Variants in RASA3 observed in about 807,000 individuals in gnomAD.
RASA3 encodes the protein RAS p21 protein activator 3.
In RASA3, 73 loss-of-function variants were observed where a neutral mutation model predicts 110.0. The observed-to-expected ratio is 0.66, with a 90% CI of 0.55 to 0.81. The LOEUF is 0.81. RASA3 is among the 30% of genes least tolerant of loss of function. RASA3 has a pLI of 0.00. For synonymous variants in RASA3, 500 were observed against 451.4 expected, an observed-to-expected ratio of 1.11 and a Z score of -1.37; for missense variants, 976 against 1,113.2, an observed-to-expected ratio of 0.88 and a Z score of 1.75.
In RASA3 at chr13:114,018,928, G is replaced by C; in HGVS notation, c.786-9C>G. 2 of 1,613,386 alleles carry C rather than the reference G, an allele frequency of 1.2e-6. No homozygotes were observed. Among genetic ancestry groups the C allele is most frequent in the Non-Finnish European group, 1.7e-6 (2 of 1,179,942 alleles). ...GGGGCTGGAGGAAGTACCTGGGTGG[G>C]AGGGACACATGGAGGGGAGGCATGA... is the stretch of plus-strand genomic sequence containing the variant. On this transcript the variant is annotated splice_polypyrimidine_tract_variant and intron_variant, in intron 9 of 23. Coordinates refer to ENST00000334062, the MANE Select transcript of RASA3 (RefSeq NM_007368.4).
intron 1 of RASA3, among the ~76,000 whole-genome samples, chr13:114,097,505 G>A (rs1382458423): frequency 2.0e-5 from 3 of 152,332 alleles, no homozygotes; most frequent in East Asian, 3.9e-4. Flanking sequence ...GCCTCAGGGC[G>A]TTTCTCAAAG....
intron 7 of RASA3, among the ~76,000 whole-genome samples, chr13:114,026,145 A>G (rs1275575649): frequency 6.6e-6 from 1 of 152,244 alleles, no homozygotes; most frequent in Admixed American, 6.5e-5. Flanking sequence ...GAGTGCACAC[A>G]GTAGAAACAG....
intron 4 of RASA3, among the ~76,000 whole-genome samples, chr13:114,032,827 C>T (rs1425759039): frequency 3.0e-5 from 3 of 99,080 alleles, no homozygotes; most frequent in Admixed American, 2.1e-4. Flanking sequence ...CCACGCCCCA[C>T]GGCACCCCCA....
chr13:114,063,615 T>C (rs2079398688), intron 2 of RASA3, among the ~76,000 whole-genome samples: 1 of 152,246 alleles, frequency 6.6e-6, no homozygotes, highest in Non-Finnish European at 1.5e-5. Context: ...ACGGCACGTG[T>C]GTGCGTGGAC....
At chr13:113,994,567 CA>C (rs140556953) in intron 21 of RASA3, among the ~76,000 whole-genome samples, 107,455 of 152,008 alleles carry the variant, frequency 0.71, 38,817 homozygotes, top group African/African-American at 0.87. Flanking sequence ...GAGGCCGAGG[CA>C]AGAAGGATCG....
At chr13:114,005,664 G>A (rs2053498942) in intron 18 of RASA3, among the ~76,000 whole-genome samples, 1 of 152,168 alleles carries the variant, frequency 6.6e-6, no homozygotes, top group South Asian at 2.1e-4. Flanking sequence ...GCCAGCAAGG[G>A]AGGAGGCTGC....
At chr13:114,119,120 C>T (rs1405351474) in intron 1 of RASA3, among the ~76,000 whole-genome samples, 3 of 142,524 alleles carry the variant, frequency 2.1e-5, no homozygotes, top group African/African-American at 5.3e-5. Context: ...ACATGGAGGG[C>T]AGAAAGGGCT....
At chr13:114,012,487 C>T (rs2053655774) in intron 15 of RASA3, among the ~76,000 whole-genome samples, 1 of 149,042 alleles carries the variant, frequency 6.7e-6, no homozygotes, top group Non-Finnish European at 1.5e-5. Flanking sequence ...ATTCCAAACG[C>T]ACTCCCCACT....
intron 3 of RASA3, among the ~76,000 whole-genome samples, chr13:114,043,699 G>A (rs999773226): frequency 3.9e-5 from 6 of 152,046 alleles, no homozygotes; most frequent in African/African-American, 1.2e-4. Context: ...AGCACATGTG[G>A]GAGAAGGAAC....
intron 1 of RASA3, among the ~76,000 whole-genome samples, chr13:114,075,595 C>T (rs2079659869): frequency 3.9e-5 from 2 of 51,596 alleles, no homozygotes; most frequent in African/African-American, 3.8e-4. Context: ...GTGGAGGCGC[C>T]GGCAGGACGA....
At chr13:113,981,536 G>T in intron 23 of RASA3, 139 bp downstream of exon 23, 1 of 926,740 alleles carries the variant, frequency 1.1e-6, no homozygotes, top group South Asian at 1.5e-5. Context: ...GTGCCAGCCC[G>T]GTGCAAGTGG....
chr13:114,020,149 G>GC (rs111868378), intron 9 of RASA3, among the ~76,000 whole-genome samples: 1 of 43,102 alleles, frequency 2.3e-5, no homozygotes, highest in Non-Finnish European at 4.0e-5. Flanking sequence ...TAGCAGCCCT[G>GC]TCAGGTGGGT....
Position 114,042,719 on chromosome 13 carries a change from A to C in RASA3, c.278-1625T>G, listed in dbSNP as rs540306360. 3.9e-5 allele frequency among the ~76,000 whole-genome samples: 6 copies of C among 152,250 alleles called. No individual in the cohort carries two copies. The East Asian group carries it at 1.2e-3, about 29-fold the overall frequency. ...CCTTTTATATTTCCGTGTCTCAAAA[A>C]ACTTCCGCAGGCTCCCATCGGAACA... is the stretch of plus-strand genomic sequence containing the variant. On this transcript the variant is annotated intron_variant, in intron 3 of 23. Transcript: ENST00000334062.
In RASA3 at chr13:114,024,260, C is replaced by T. The variant is rs200398052; in HGVS notation, c.680+19G>A. ...GGTGAAAACTGCCAAGTTGGGGACG[C>T]GGAGCCTGGTTTTCTCACCTGATTT... On this transcript the variant is annotated intron_variant, in intron 8 of 23. Coordinates refer to ENST00000334062, the MANE Select transcript of RASA3 (RefSeq NM_007368.4). The T allele has an allele frequency of 6.7e-4, 1,076 of 1,612,624 alleles. 6 individuals carry two copies. In the Middle Eastern group the frequency reaches 8.1e-3, roughly 12 times the overall value.
intron 1 of RASA3, among the ~76,000 whole-genome samples, chr13:114,087,216 C>T (rs538438107): frequency 9.4e-5 from 7 of 74,512 alleles, no homozygotes; most frequent in Non-Finnish European, 1.6e-4. Context: ...TTCGTCCTCG[C>T]GGGGAAATCA....
intron 12 of RASA3, among the ~76,000 whole-genome samples, chr13:114,016,973 C>A (rs2053807240): frequency 6.6e-6 from 1 of 152,160 alleles, no homozygotes; most frequent in Non-Finnish European, 1.5e-5. Context: ...CTGGGAAGAG[C>A]CAGGCTTTTC....
At chr13:114,007,369 C>T (rs1414419640) in intron 18 of RASA3, among the ~76,000 whole-genome samples, 164 bp downstream of exon 18, 3 of 37,718 alleles carry the variant, frequency 8.0e-5, no homozygotes, top group Admixed American at 2.2e-4. Context: ...CCCTGCCGGA[C>T]GCCACCTTAC....
intron 1 of RASA3, among the ~76,000 whole-genome samples, chr13:114,120,115 TC>T (rs1566587870): frequency 5.4e-3 from 15 of 2,802 alleles, no homozygotes; most frequent in Non-Finnish European, 7.4e-3. Context: ...AGGGCCCCCC[TC>T]CCCTCTCCAG....
intron 15 of RASA3, among the ~76,000 whole-genome samples, chr13:114,012,068 C>G (rs950366989): frequency 2.7e-4 from 41 of 152,020 alleles, no homozygotes; most frequent in African/African-American, 9.4e-4. Flanking sequence ...ACATTGGGGC[C>G]TGGAGAAAAT....
Sources: allele counts gnomAD v4.1 joint callset (sites outside exome capture counted in the v4.1 genomes callset), GRCh38; gene constraint gnomAD v4.1.1; transcripts MANE v1.5; gene names NCBI Gene and HGNC (gene_info 2026-07-23, HGNC 2026-07-21).